RGL2: variants seen among roughly 807,000 people sequenced by gnomAD.
The protein encoded by RGL2 is ral guanine nucleotide dissociation stimulator-like 2.
Under a neutral mutation model 84.6 loss-of-function variants are expected in RGL2, and 40 were observed. That is an observed-to-expected ratio of 0.47 (90% CI 0.37 to 0.62). The LOEUF is 0.62. RGL2 is among the 20% of genes least tolerant of loss of function. The pLI is 0.00. For missense variants in RGL2, 865 were observed against 1,019.7 expected, an observed-to-expected ratio of 0.85 and a Z score of 2.07; for synonymous variants, 369 against 417.3, an observed-to-expected ratio of 0.88 and a Z score of 1.41.
In RGL2 at chr6:33,293,636, A is replaced by G. The variant is rs1368553797; in HGVS notation, c.1572T>C (p.Leu524=). The change falls in exon 14 of 18, where the codon CTT becomes CTC. Residue 524 remains leucine, a synonymous_variant. Coordinates refer to ENST00000497454, the MANE Select transcript of RGL2 (RefSeq NM_004761.5). The surrounding 1 kb of genome is among the most constrained non-coding windows in gnomAD (Gnocchi z 7.0). ...GSSDPPAPRV[L]RPTLVISQWT... is the part of the protein sequence containing the mutation. ...ACTGCGAGATGACCAATGTTGGCCGAAGCACCCGTGGGGCAGGAGGGTCAC... is the reference window on the plus strand; with the variant it reads ...ACTGCGAGATGACCAATGTTGGCCGGAGCACCCGTGGGGCAGGAGGGTCAC... 1 of 1,614,034 alleles carries G rather than the reference A, an allele frequency of 6.2e-7. No homozygotes were observed. The highest frequency in any genetic ancestry group is 8.5e-7 in the Non-Finnish European group (1 of 1,180,038).
In RGL2 at chr6:33,295,351, G is replaced by A. The variant is rs1767842769; in HGVS notation, c.1092C>T (p.His364=). The A allele has an allele frequency of 2.5e-6, 4 of 1,596,982 alleles. No individual in the cohort carries two copies. In the East Asian group the frequency reaches 9.0e-5, roughly 36 times the overall value. The change falls in exon 8 of 18, where the codon CAC becomes CAT. Residue 364 remains histidine (H), a synonymous_variant. Coordinates refer to ENST00000497454, the MANE Select transcript of RGL2 (RefSeq NM_004761.5). This position sits in a 1 kb window ranked among gnomAD's most constrained non-coding sequence, Gnocchi z 7.2. Reference sequence around the variant, plus strand: ...CTTCCCCCCAGGCTGCCCGAAGCCTGTGGATGGGGCTGGACTGCAGGGCTG... The same window carrying A: ...CTTCCCCCCAGGCTGCCCGAAGCCTATGGATGGGGCTGGACTGCAGGGCTG... ...VVSALQSSPI[H]RLRAAWGEAT...
At chr6:33,299,680 G>C (rs2150951039), upstream of RGL2, 1 of 152,432 alleles carries the variant, frequency 6.6e-6, no homozygotes, top group South Asian at 2.1e-4. The surrounding 1 kb of genome is among the most constrained non-coding windows in gnomAD (Gnocchi z 5.0). Context: ...AAAGGGGTTG[G>C]AATGAGAGAA....
chr6:33,294,135 CT>C lies in RGL2; in HGVS notation c.1354-70del. On this transcript the variant is annotated intron_variant, in intron 11 of 17. Transcript: ENST00000497454. The surrounding 1 kb of genome is among the most constrained non-coding windows in gnomAD (Gnocchi z 5.0). The stretch of plus-strand genomic sequence containing the variant: ...TCCGGCCACAGAGAGAGAATATCCC[CT>C]CTCTTAAACACACACAGCCACATCC... 1 of 1,548,578 alleles carries C rather than the reference CT, an allele frequency of 6.5e-7. No individual in the cohort carries two copies. The highest frequency in any genetic ancestry group is 1.2e-5 in the South Asian group (1 of 82,676).
chr6:33,294,939 T>A lies in RGL2; in HGVS notation c.1278+38A>T. The A allele has an allele frequency of 6.5e-7, 1 of 1,548,724 alleles. No individual in the cohort carries two copies. Among genetic ancestry groups the A allele is most frequent in the Non-Finnish European group, 8.7e-7 (1 of 1,145,652 alleles). On this transcript the variant is annotated intron_variant, in intron 10 of 17. Transcript: ENST00000497454. This position sits in a 1 kb window ranked among gnomAD's most constrained non-coding sequence, Gnocchi z 5.0. ...AAACATACTCCTCACCCCTTCATAA[T>A]CACCACCCCCACGCCCACCACCCCG...
rs542547083 is a variant in RGL2, at chr6:33,293,426, G to A, written c.1703C>T (p.Thr568Ile). The A allele has an allele frequency of 1.5e-5, 25 of 1,613,926 alleles. No homozygotes were observed. The South Asian group carries it at 2.6e-4, about 17-fold the overall frequency. The change falls in exon 15 of 18, where the codon ACT becomes ATT. Residue 568 changes from threonine to isoleucine, a missense_variant. This residue lies in a region of RGL2 where 302 missense variants were observed against 327.9 expected (regional missense o/e 0.92). Coordinates refer to ENST00000497454, the MANE Select transcript of RGL2 (RefSeq NM_004761.5). The surrounding 1 kb of genome is among the most constrained non-coding windows in gnomAD (Gnocchi z 7.0). ...EAPTTPAPLL[T>I]RLAQHMKWPS... ...AGCAGAGCTCACCTGGGCCAGCCGA[G>A]TCAGCAGAGGAGCAGGAGTTGTAGG...
Position 33,295,766 on chromosome 6 carries a change from G to A in RGL2, c.769-7C>T. ...TCAAATTGAGAAAAAGTTCCTGCAGGGTAGAGGTCAGAGGTTAAAGTTCAT... is the reference window on the plus strand; with the variant it reads ...TCAAATTGAGAAAAAGTTCCTGCAGAGTAGAGGTCAGAGGTTAAAGTTCAT... On this transcript the variant is annotated splice_region_variant and splice_polypyrimidine_tract_variant and intron_variant, in intron 6 of 17. Transcript: ENST00000497454. The surrounding 1 kb of genome is among the most constrained non-coding windows in gnomAD (Gnocchi z 7.2). 1.9e-6 allele frequency: 3 copies of A among 1,612,040 alleles called. No individual in the cohort carries two copies. The highest frequency in any genetic ancestry group is 2.5e-6 in the Non-Finnish European group (3 of 1,178,854).
At position 33,297,281 on chromosome 6, in the gene RGL2, C is replaced by T. The variant is rs1768069211; in HGVS notation, c.157-166G>A. 3 of 560,340 alleles carry T rather than the reference C, an allele frequency of 5.4e-6. No individual in the cohort carries two copies. Among genetic ancestry groups the T allele is most frequent in the Non-Finnish European group, 9.2e-6 (3 of 327,054 alleles). 34.7% of individuals were successfully genotyped at this position (560,340 alleles called of 1,614,324 possible). ...TGGGGGAGCTGGTGACCCCAGGTCT[C>T]CCCCACTGGGGCCCAGACAGCCCCA... On this transcript the variant is annotated intron_variant, in intron 2 of 17. Transcript: ENST00000497454. The surrounding 1 kb of genome is among the most constrained non-coding windows in gnomAD (Gnocchi z 4.0).
In RGL2 at chr6:33,298,183, A is replaced by T; in HGVS notation, c.156+272T>A. 1 of 374,168 alleles carries T rather than the reference A, an allele frequency of 2.7e-6. No individual in the cohort carries two copies. Among genetic ancestry groups the T allele is most frequent in the Non-Finnish European group, 4.9e-6 (1 of 202,318 alleles). The allele number at this position is 374,168 out of a possible 1,614,324, so 23.2% of individuals were successfully genotyped here. A position where few individuals can be genotyped will look rare whatever the true frequency, so the allele number is the denominator to read the frequency against. Reference sequence around the variant, plus strand: ...GAGAGGTAGGCACACTCAGGCAGGCAGAGGTGGAGGGCCAAAGACCCGCAG... The same window carrying T: ...GAGAGGTAGGCACACTCAGGCAGGCTGAGGTGGAGGGCCAAAGACCCGCAG... On this transcript the variant is annotated intron_variant, in intron 2 of 17. Coordinates refer to ENST00000497454, the MANE Select transcript of RGL2 (RefSeq NM_004761.5). This position sits in a 1 kb window ranked among gnomAD's most constrained non-coding sequence, Gnocchi z 4.8.
At position 33,295,865 on chromosome 6, in the gene RGL2, G is replaced by T; in HGVS notation, c.769-106C>A. 1 of 1,459,588 alleles carries T rather than the reference G, an allele frequency of 6.9e-7. No homozygotes were observed. The highest frequency in any genetic ancestry group is 1.2e-5 in the South Asian group (1 of 80,594). The allele number at this position is 1,459,588 out of a possible 1,614,324, so 90.4% of individuals were successfully genotyped here. On this transcript the variant is annotated intron_variant, in intron 6 of 17. Transcript: ENST00000497454. The surrounding 1 kb of genome is among the most constrained non-coding windows in gnomAD (Gnocchi z 7.2). ...TGGCCAAGGAACCAGAGGGGCACAGGGTTTGAAGGGTAACGACCAAAGGGA... is the reference window on the plus strand; with the variant it reads ...TGGCCAAGGAACCAGAGGGGCACAGTGTTTGAAGGGTAACGACCAAAGGGA...
rs763578958 is a variant in RGL2, at chr6:33,295,807, G to A, written c.769-48C>T. The A allele has an allele frequency of 4.4e-6, 7 of 1,580,380 alleles. No individual in the cohort carries two copies. Among genetic ancestry groups the A allele is most frequent in the Non-Finnish European group, 6.0e-6 (7 of 1,157,854 alleles). ...TAAAGTTCATAGTCAAGTGAGGTCA[G>A]CCTTCCAATATCAGGGATCTGAGGA... On this transcript the variant is annotated intron_variant, in intron 6 of 17. Coordinates refer to ENST00000497454, the MANE Select transcript of RGL2 (RefSeq NM_004761.5). The surrounding 1 kb of genome is among the most constrained non-coding windows in gnomAD (Gnocchi z 7.2).
rs1215859350 is a variant in RGL2, at chr6:33,297,238, G to A, written c.157-123C>T. On this transcript the variant is annotated intron_variant, in intron 2 of 17. Coordinates refer to ENST00000497454, the MANE Select transcript of RGL2 (RefSeq NM_004761.5). This position sits in a 1 kb window ranked among gnomAD's most constrained non-coding sequence, Gnocchi z 4.0. ...CCTGTGGTGGCAGGGCATAGTACCA[G>A]CGAGTGCGAGGAAGGGTTGGGGGAG... The A allele has an allele frequency of 9.6e-6, 7 of 728,764 alleles. No homozygotes were observed. Among genetic ancestry groups the A allele is most frequent in the Non-Finnish European group, 1.5e-5 (7 of 455,928 alleles). 45.1% of individuals were successfully genotyped at this position (728,764 alleles called of 1,614,324 possible). A position where few individuals can be genotyped will look rare whatever the true frequency, so the allele number is the denominator to read the frequency against.
rs369884725 is a variant in RGL2 at position 33,294,985 on chromosome 6, G to A, written c.1270C>T (p.Arg424Trp). Reference sequence around the variant, plus strand: ...CCCCGCTAGTCACTCACCCCACCCCGGGAGCCAGACCTCGGGGCCTTCTTG... The same window carrying A: ...CCCCGCTAGTCACTCACCCCACCCCAGGAGCCAGACCTCGGGGCCTTCTTG... ...HSKKAPRSGS[R>W]GGGVVPYLGT... The change falls in exon 10 of 18, where the codon CGG (arginine) becomes TGG (tryptophan). Residue 424 changes from arginine (R) to tryptophan (W), a missense_variant. Physicochemically the swap from Arg to Trp is moderately radical, Grantham distance 101. Around this residue, in one of 5 missense-constraint regions of RGL2, gnomAD observed 455 missense variants for 507.8 expected, o/e 0.90. Coordinates refer to ENST00000497454, the MANE Select transcript of RGL2 (RefSeq NM_004761.5). This position sits in a 1 kb window ranked among gnomAD's most constrained non-coding sequence, Gnocchi z 5.0. 12 of 1,557,590 alleles carry A rather than the reference G, an allele frequency of 7.7e-6. No homozygotes were observed. Among genetic ancestry groups the A allele is most frequent in the Non-Finnish European group, 1.0e-5 (12 of 1,151,834 alleles).
Position 33,296,272 on chromosome 6 carries a change from C to G in RGL2, c.524G>C (p.Gly175Ala). 1.9e-6 allele frequency: 3 copies of G among 1,613,822 alleles called. No homozygotes were observed. The highest frequency in any genetic ancestry group is 2.5e-6 in the Non-Finnish European group (3 of 1,179,792). Residue 175 changes from glycine to alanine, a missense_variant, in exon 6 of 18, where the codon GGC (glycine) becomes GCC (alanine). Gly to Ala is a moderately conservative substitution (Grantham distance 60). Around this residue, in one of 5 missense-constraint regions of RGL2, gnomAD observed 455 missense variants for 507.8 expected, o/e 0.90. Transcript: ENST00000497454. This position sits in a 1 kb window ranked among gnomAD's most constrained non-coding sequence, Gnocchi z 5.0. ...TWLASHPEDFGSEAKGQLDRL... is the reference protein window; with the variant it reads ...TWLASHPEDFASEAKGQLDRL... ...GTCAAGCTGACCCTTGGCCTCAGAG[C>G]CAAAATCCTCAGGGTGAGAGGCCAG...
chr6:33,299,516 T>C (rs1768367718), upstream of RGL2, among the ~76,000 whole-genome samples: 1 of 151,960 alleles, frequency 6.6e-6, no homozygotes, highest in South Asian at 2.1e-4. The surrounding 1 kb of genome is among the most constrained non-coding windows in gnomAD (Gnocchi z 5.0). Flanking sequence ...CCCCGTCGGC[T>C]CGGTGTATCC....
chr6:33,292,319 G>T lies in RGL2; in HGVS notation c.2123-6C>A. ...CGAGGCTGGGATAGTCAGCTCTGAA[G>T]GTTCAGGGGATGGATGTAAAGCACA... On this transcript the variant is annotated splice_region_variant and splice_polypyrimidine_tract_variant and intron_variant, in intron 17 of 17. Transcript: ENST00000497454. 1 of 1,613,140 alleles carries T rather than the reference G, an allele frequency of 6.2e-7. No individual in the cohort carries two copies. Among genetic ancestry groups the T allele is most frequent in the Non-Finnish European group, 8.5e-7 (1 of 1,179,234 alleles).
Position 33,296,001 on chromosome 6 carries a change from C to T in RGL2, c.768+27G>A, listed in dbSNP as rs1256866628. Reference sequence around the variant, plus strand: ...GAGAGGTTAGTAAGGGGTCAGGGGGCATAGGGGCCAGAGGTCAGGGTCTCA... The same window carrying T: ...GAGAGGTTAGTAAGGGGTCAGGGGGTATAGGGGCCAGAGGTCAGGGTCTCA... On this transcript the variant is annotated intron_variant, in intron 6 of 17. Transcript: ENST00000497454. This position sits in a 1 kb window ranked among gnomAD's most constrained non-coding sequence, Gnocchi z 5.0. 4 of 1,612,542 alleles carry T rather than the reference C, an allele frequency of 2.5e-6. No homozygotes were observed. The African/African-American group carries it at 5.3e-5, about 22-fold the overall frequency.
chr6:33,291,992 G>T lies in RGL2; in HGVS notation c.*110C>A. On this transcript the variant is annotated 3_prime_UTR_variant, in exon 18 of 18. Transcript: ENST00000497454. ...GCACTTCACTGCCCCAGGGTGGCTG[G>T]CTCCCTTTCTGAATTTCTGTCTCAA... 8.3e-7 allele frequency: 1 copy of T among 1,208,228 alleles called. No homozygotes were observed. The allele number at this position is 1,208,228 out of a possible 1,614,324, so 74.8% of individuals were successfully genotyped here. A position where few individuals can be genotyped will look rare whatever the true frequency, so the allele number is the denominator to read the frequency against.
In RGL2 at chr6:33,293,786, G is replaced by A. The variant is rs747175100; in HGVS notation, c.1508+9C>T. The A allele has an allele frequency of 9.3e-6, 15 of 1,613,704 alleles. No homozygotes were observed. The Admixed American group carries it at 1.0e-4, about 11-fold the overall frequency. ...GAACCCTGGAGTCCCAACCTCACCC[G>A]CCAGTCACCTCTGAGCCTCTGTCAG... On this transcript the variant is annotated intron_variant, in intron 13 of 17. Coordinates refer to ENST00000497454, the MANE Select transcript of RGL2 (RefSeq NM_004761.5). This position sits in a 1 kb window ranked among gnomAD's most constrained non-coding sequence, Gnocchi z 7.0.
chr6:33,294,851 A>G lies in RGL2; in HGVS notation c.1279-89T>C. On this transcript the variant is annotated intron_variant, in intron 10 of 17. Transcript: ENST00000497454. This position sits in a 1 kb window ranked among gnomAD's most constrained non-coding sequence, Gnocchi z 5.0. ...ACTTGCCCTCCTCATTGCCTCAGAG[A>G]ACAGATTTCATTCTCCTCACCCCTC... is the stretch of plus-strand genomic sequence containing the variant. The G allele has an allele frequency of 4.0e-6, 6 of 1,509,750 alleles. No homozygotes were observed. The highest frequency in any genetic ancestry group is 5.4e-6 in the Non-Finnish European group (6 of 1,104,806). The allele number at this position is 1,509,750 out of a possible 1,614,324, so 93.5% of individuals were successfully genotyped here.
Sources: allele counts gnomAD v4.1 joint callset (sites outside exome capture counted in the v4.1 genomes callset), GRCh38; gene constraint gnomAD v4.1.1; regional missense constraint gnomAD v4.1.1; non-coding constraint Gnocchi (gnomAD v3.1); transcripts MANE v1.5; gene names NCBI Gene and HGNC (gene_info 2026-07-23, HGNC 2026-07-21).